HCN1: variants seen among roughly 807,000 people sequenced by gnomAD.
HCN1 encodes the protein potassium/sodium hyperpolarization-activated cyclic nucleotide-gated channel 1.
In HCN1, 13 loss-of-function variants were observed where a neutral mutation model predicts 78.9. That is an observed-to-expected ratio of 0.16 (90% CI 0.11 to 0.26). The LOEUF (loss-of-function observed/expected upper bound fraction) is 0.26, where lower values mean the gene tolerates loss of function less well. Ranked by LOEUF, HCN1 falls within the 10% of genes least tolerant of loss-of-function variation. The probability of loss-of-function intolerance (pLI) is 1.00; values close to 1 mark genes in which losing one functional copy is unlikely to be tolerated. For missense variants in HCN1, 810 were observed against 1,154.3 expected, an observed-to-expected ratio of 0.70 and a Z score of 4.32; for synonymous variants, 552 against 455.5, an observed-to-expected ratio of 1.21 and a Z score of -2.70.
chr5:45,338,003 T>C (rs1046548671), intron 5 of HCN1, among the ~76,000 whole-genome samples: 4 of 152,186 alleles, frequency 2.6e-5, no homozygotes, highest in Admixed American at 2.6e-4. Flanking sequence ...TTTATATGCA[T>C]GGTATGAGGT....
At chr5:45,342,061 C>A (rs1489260962) in intron 5 of HCN1, among the ~76,000 whole-genome samples, 2 of 152,020 alleles carry the variant, frequency 1.3e-5, no homozygotes, top group East Asian at 3.9e-4. Context: ...GGTTAAATTC[C>A]CAGGACCCTC....
At chr5:45,529,574 C>G (rs1287766156) in intron 2 of HCN1, among the ~76,000 whole-genome samples, 1 of 151,996 alleles carries the variant, frequency 6.6e-6, no homozygotes, top group East Asian at 1.9e-4. Flanking sequence ...ATCTAGAAAT[C>G]AGGAGTGTGT....
At chr5:45,677,016 T>C (rs1739570426) in intron 1 of HCN1, among the ~76,000 whole-genome samples, 1 of 151,858 alleles carries the variant, frequency 6.6e-6, no homozygotes, top group Non-Finnish European at 1.5e-5. Flanking sequence ...ATTATAACTT[T>C]AACTTGCCAA....
intron 5 of HCN1, among the ~76,000 whole-genome samples, chr5:45,343,606 A>G (rs1746631671): frequency 6.6e-6 from 1 of 152,194 alleles, no homozygotes; most frequent in African/African-American, 2.4e-5. Context: ...GAATGTACAG[A>G]GAGACTTTAA....
At position 45,303,591 on chromosome 5, in the gene HCN1, T is replaced by C; in HGVS notation, c.1618+8A>G. 9.3e-6 allele frequency: 15 copies of C among 1,613,192 alleles called. No homozygotes were observed. The highest frequency in any genetic ancestry group is 1.3e-5 in the Non-Finnish European group (15 of 1,179,532). On this transcript the variant is annotated splice_region_variant and intron_variant, in intron 6 of 7. Coordinates refer to ENST00000303230, the MANE Select transcript of HCN1 (RefSeq NM_021072.4). ...AGATTTCATCTTAGTTGCATCTTTT[T>C]TACTAACCTCCAAAGTAAGAGCCAT...
At chr5:45,388,994 T>C (rs1747984006) in intron 4 of HCN1, among the ~76,000 whole-genome samples, 1 of 152,164 alleles carries the variant, frequency 6.6e-6, no homozygotes, top group South Asian at 2.1e-4. Flanking sequence ...TAATCTATTA[T>C]ACACACTGTT....
chr5:45,523,586 T>C (rs1313241055), intron 2 of HCN1, among the ~76,000 whole-genome samples: 2 of 152,178 alleles, frequency 1.3e-5, no homozygotes, highest in Non-Finnish European at 2.9e-5. Flanking sequence ...ATTGTGGTTT[T>C]GATTTGCATT....
chr5:45,274,659 C>T (rs565484187), intron 6 of HCN1, among the ~76,000 whole-genome samples: 2 of 152,288 alleles, frequency 1.3e-5, no homozygotes, highest in South Asian at 4.1e-4. Flanking sequence ...ATGCTTCACA[C>T]ATCAAGTAGC....
intron 6 of HCN1, among the ~76,000 whole-genome samples, chr5:45,286,211 A>C: frequency 6.6e-6 from 1 of 151,972 alleles, no homozygotes; most frequent in East Asian, 1.9e-4. Flanking sequence ...ATATGGTTTA[A>C]AAATATATAC....
chr5:45,436,556 G>T (rs1328081062), intron 3 of HCN1, among the ~76,000 whole-genome samples: 3 of 152,114 alleles, frequency 2.0e-5, no homozygotes, highest in African/African-American at 7.2e-5. Context: ...GAACTAAGAA[G>T]AACTCCAAAA....
At chr5:45,394,009 T>A (rs1739636900) in intron 4 of HCN1, among the ~76,000 whole-genome samples, 1 of 152,188 alleles carries the variant, frequency 6.6e-6, no homozygotes, top group African/African-American at 2.4e-5. Flanking sequence ...GAGAAGTTCC[T>A]CTGCTGTGAG....
rs528932788 is a variant in HCN1 at position 45,696,266 on chromosome 5, A to G, written c.-173T>C. On this transcript the variant is annotated 5_prime_UTR_variant, in exon 1 of 8. Coordinates refer to ENST00000303230, the MANE Select transcript of HCN1 (RefSeq NM_021072.4). Reference sequence around the variant, plus strand: ...GCTGCTTCCCGACCGCGCCGCTGCTAGCTGCGCGCCTGGCTCCCGCCGCCG... The same window carrying G: ...GCTGCTTCCCGACCGCGCCGCTGCTGGCTGCGCGCCTGGCTCCCGCCGCCG... 1 of 158,878 alleles carries G rather than the reference A, an allele frequency of 6.3e-6. No homozygotes were observed. 9.8% of individuals were successfully genotyped at this position (158,878 alleles called of 1,614,324 possible). A position where few individuals can be genotyped will look rare whatever the true frequency, so the allele number is the denominator to read the frequency against.
At chr5:45,583,157 G>T (rs1028982488) in intron 2 of HCN1, among the ~76,000 whole-genome samples, 26 of 152,050 alleles carry the variant, frequency 1.7e-4, no homozygotes, top group Non-Finnish European at 2.8e-4. Context: ...TCTGGTCCTG[G>T]ACTTTATTTG....
chr5:45,491,141 G>T (rs1292338342), intron 2 of HCN1, among the ~76,000 whole-genome samples: 4 of 152,048 alleles, frequency 2.6e-5, no homozygotes, highest in African/African-American at 9.7e-5. Flanking sequence ...ATCACACTCG[G>T]AATCTGTATA....
chr5:45,372,180 A>G (rs1282604674), intron 4 of HCN1, among the ~76,000 whole-genome samples: 2 of 61,864 alleles, frequency 3.2e-5, no homozygotes, highest in Non-Finnish European at 4.8e-5. Context: ...ATTATATTAT[A>G]ATATAATACA....
intron 4 of HCN1, among the ~76,000 whole-genome samples, chr5:45,371,695 T>A (rs1438389045): frequency 6.7e-6 from 1 of 149,000 alleles, no homozygotes; most frequent in Non-Finnish European, 1.5e-5. Flanking sequence ...AGGCGAAGGT[T>A]GCAGTGAGCC....
At chr5:45,503,396 A>C (rs547074183) in intron 2 of HCN1, among the ~76,000 whole-genome samples, 112 of 152,326 alleles carry the variant, frequency 7.4e-4, no homozygotes, top group Middle Eastern at 3.4e-3. Flanking sequence ...GAAGAAGAGA[A>C]AAAGAAAGAA....
chr5:45,669,621 A>C (rs1345738608), intron 1 of HCN1, among the ~76,000 whole-genome samples: 1 of 151,860 alleles, frequency 6.6e-6, no homozygotes, highest in East Asian at 1.9e-4. Flanking sequence ...GTCATGAGCC[A>C]AGTTTGTTCC....
chr5:45,309,893 G>T (rs1561099071), intron 5 of HCN1, among the ~76,000 whole-genome samples: 1 of 152,064 alleles, frequency 6.6e-6, no homozygotes, highest in Non-Finnish European at 1.5e-5. Flanking sequence ...ATAAGTTAGG[G>T]AGGACTCCCT....
Sources: gnomAD v4.1 joint callset for allele counts (sites outside exome capture counted in the v4.1 genomes callset) on GRCh38, gnomAD v4.1.1 for gene constraint, MANE v1.5 for transcripts, NCBI Gene and HGNC (gene_info 2026-07-23, HGNC 2026-07-21) for gene names.